PGR: variants seen among roughly 807,000 people sequenced by gnomAD.
PGR encodes the protein nuclear receptor subfamily 3 group C member 3.
Under a neutral mutation model 76.1 loss-of-function variants are expected in PGR, and 25 were observed. That is an observed-to-expected ratio of 0.33 (90% CI 0.24 to 0.46). The LOEUF is 0.46. Ranked by LOEUF, PGR falls within the 20% of genes least tolerant of loss-of-function variation. PGR has a pLI of 1.00. For synonymous variants in PGR, 579 were observed against 535.0 expected (o/e 1.08, Z -1.14); for missense variants, 1,172 against 1,225.3 (o/e 0.96, Z 0.65).
At chr11:101,116,072 CCAAA>C (rs1862496772) in intron 2 of PGR, among the ~76,000 whole-genome samples, 1 of 152,138 alleles carries the variant, frequency 6.6e-6, no homozygotes, top group Non-Finnish European at 1.5e-5. Flanking sequence ...GATTTTGCTG[CCAAA>C]CAAATTCACG....
intron 2 of PGR, among the ~76,000 whole-genome samples, chr11:101,122,250 G>C (rs1862703871): frequency 6.6e-6 from 1 of 151,106 alleles, no homozygotes; most frequent in Non-Finnish European, 1.5e-5. Flanking sequence ...CATTTCAATT[G>C]TATTATAACA....
intron 5 of PGR, 26 bp downstream of exon 5, chr11:101,051,398 C>A: frequency 6.5e-7 from 1 of 1,528,858 alleles, no homozygotes; most frequent in East Asian, 2.2e-5. Context: ...CTTAAAATAA[C>A]AAAAACAACA....
At chr11:101,068,863 TAACTC>T (rs1860817364) in intron 3 of PGR, among the ~76,000 whole-genome samples, 2 of 152,130 alleles carry the variant, frequency 1.3e-5, no homozygotes, top group Admixed American at 6.5e-5. Flanking sequence ...ATACAAAAAT[TAACTC>T]AAGATGGACT....
intron 7 of PGR, among the ~76,000 whole-genome samples, chr11:101,039,637 T>A (rs1859632687): frequency 6.6e-6 from 1 of 152,046 alleles, no homozygotes; most frequent in Non-Finnish European, 1.5e-5. Context: ...TAAATTCTAT[T>A]TGCTAATCTA....
At chr11:101,078,945 T>G (rs1014591580) in intron 3 of PGR, among the ~76,000 whole-genome samples, 4 of 152,074 alleles carry the variant, frequency 2.6e-5, no homozygotes, top group African/African-American at 9.7e-5. Flanking sequence ...CAAAGACCAA[T>G]GGAACAGAAT....
Position 101,032,906 on chromosome 11 carries a change from G to C in PGR, c.*6210C>G, listed in dbSNP as rs1329855214. On this transcript the variant is annotated 3_prime_UTR_variant, in exon 8 of 8. Coordinates refer to ENST00000325455, the MANE Select transcript of PGR (RefSeq NM_000926.4). Reference sequence around the variant, plus strand: ...AGTAAAGGCTTCACAGCTAGTTGCTGAGGAATAAAATGATGCCTAAAGTAA... The same window carrying C: ...AGTAAAGGCTTCACAGCTAGTTGCTCAGGAATAAAATGATGCCTAAAGTAA... 3 of 186,426 alleles carry C rather than the reference G, an allele frequency of 1.6e-5. No homozygotes were observed. The highest frequency in any genetic ancestry group is 7.0e-5 in the African/African-American group (3 of 42,722). 11.5% of individuals were successfully genotyped at this position (186,426 alleles called of 1,614,324 possible).
intron 2 of PGR, among the ~76,000 whole-genome samples, chr11:101,124,132 A>C (rs969735100): frequency 3.9e-5 from 6 of 152,142 alleles, no homozygotes; most frequent in Non-Finnish European, 8.8e-5. Context: ...CATCAATCTT[A>C]AGTAACTCTT....
At position 101,030,946 on chromosome 11, in the gene PGR, G is replaced by A. The variant is rs994681584; in HGVS notation, c.*8170C>T. 3 of 187,938 alleles carry A rather than the reference G, an allele frequency of 1.6e-5. No individual in the cohort carries two copies. Among genetic ancestry groups the A allele is most frequent in the African/African-American group, 2.3e-5 (1 of 42,808 alleles). 11.6% of individuals were successfully genotyped at this position (187,938 alleles called of 1,614,324 possible). A position where few individuals can be genotyped will look rare whatever the true frequency, so the allele number is the denominator to read the frequency against. ...ATTCTGAGACTGAAAGTTGAAGGAG[G>A]TGAGATTCAGACAAGTAAAGGGAAG... On this transcript the variant is annotated 3_prime_UTR_variant, in exon 8 of 8. Coordinates refer to ENST00000325455, the MANE Select transcript of PGR (RefSeq NM_000926.4).
In PGR at chr11:101,127,414, G is replaced by C. The variant is rs750726615; in HGVS notation, c.1637+20C>G. The C allele has an allele frequency of 2.0e-6, 3 of 1,519,476 alleles. No homozygotes were observed. The African/African-American group carries it at 4.3e-5, about 22-fold the overall frequency. The allele number at this position is 1,519,476 out of a possible 1,614,324, so 94.1% of individuals were successfully genotyped here. On this transcript the variant is annotated intron_variant, in intron 1 of 7. Coordinates refer to ENST00000325455, the MANE Select transcript of PGR (RefSeq NM_000926.4). ...CGCTACTCCCGGACGCGCTGGGCGTGCCCCGTCCCGGGCCCTCACCTCAGG... is the reference window on the plus strand; with the variant it reads ...CGCTACTCCCGGACGCGCTGGGCGTCCCCCGTCCCGGGCCCTCACCTCAGG...
Position 101,127,996 on chromosome 11 carries a change from G to T in PGR, c.1075C>A (p.Pro359Thr), listed in dbSNP as rs751642083. The T allele has an allele frequency of 4.3e-6, 7 of 1,611,478 alleles. No homozygotes were observed. The highest frequency in any genetic ancestry group is 5.9e-6 in the Non-Finnish European group (7 of 1,179,862). Residue 359 changes from proline (P) to threonine (T), a missense_variant, in exon 1 of 8, where the codon CCC (proline) becomes ACC (threonine). Transcript: ENST00000325455. ...GCGTCGGGCGGGTACGCGCAGTCGGGGAAGTCGCCTACAGCGACCGGGGTG... is the reference window on the plus strand; with the variant it reads ...GCGTCGGGCGGGTACGCGCAGTCGGTGAAGTCGCCTACAGCGACCGGGGTG... The part of the protein sequence containing the change: ...SSTPVAVGDF[P>T]DCAYPPDAEP...
intron 2 of PGR, among the ~76,000 whole-genome samples, chr11:101,110,721 T>G (rs1862319549): frequency 6.6e-6 from 1 of 152,218 alleles, no homozygotes; most frequent in African/African-American, 2.4e-5. Context: ...GAAGCTCTAC[T>G]GTGGGTAAAA....
Position 101,030,801 on chromosome 11 carries a change from G to A in PGR, c.*8315C>T. The A allele has an allele frequency of 5.0e-6, 1 of 198,648 alleles. No individual in the cohort carries two copies. 12.3% of individuals were successfully genotyped at this position (198,648 alleles called of 1,614,324 possible). A position where few individuals can be genotyped will look rare whatever the true frequency, so the allele number is the denominator to read the frequency against. ...TGGACTTAAGCATCAAAAGCTACTAGGACTAGATGAGAACTCATTCTAAAA... is the reference window on the plus strand; with the variant it reads ...TGGACTTAAGCATCAAAAGCTACTAAGACTAGATGAGAACTCATTCTAAAA... On this transcript the variant is annotated 3_prime_UTR_variant, in exon 8 of 8. Transcript: ENST00000325455.
chr11:101,103,932 T>C (rs1204808219), intron 2 of PGR, among the ~76,000 whole-genome samples: 2 of 152,230 alleles, frequency 1.3e-5, no homozygotes, highest in Non-Finnish European at 2.9e-5. Flanking sequence ...GAGCAGATCA[T>C]TTAACTTCTT....
chr11:101,057,663 G>C (rs1860342050), intron 4 of PGR, among the ~76,000 whole-genome samples: 1 of 152,112 alleles, frequency 6.6e-6, no homozygotes, highest in Non-Finnish European at 1.5e-5. Flanking sequence ...AACAGAAGTA[G>C]CATGTATAAT....
chr11:101,115,860 A>C (rs1370308170), intron 2 of PGR, among the ~76,000 whole-genome samples: 1 of 152,186 alleles, frequency 6.6e-6, no homozygotes, highest in African/African-American at 2.4e-5. Context: ...ACCACTCTCA[A>C]CATAGTCTAT....
rs1462925567 is a variant in PGR at position 101,127,458 on chromosome 11, T to C, written c.1613A>G (p.Tyr538Cys). The change falls in exon 1 of 8, where the codon TAC becomes TGC. Residue 538 changes from tyrosine to cysteine, a missense_variant. Transcript: ENST00000325455. ...CCTCAGGTAGTTGAGATAGGGCGGGTAGACCTGCGGCAGGCCCTCCTTGAG... is the reference window on the plus strand; with the variant it reads ...CCTCAGGTAGTTGAGATAGGGCGGGCAGACCTGCGGCAGGCCCTCCTTGAG... ...AVLKEGLPQV[Y>C]PPYLNYLRPD... 10 of 1,558,548 alleles carry C rather than the reference T, an allele frequency of 6.4e-6. No homozygotes were observed. Among genetic ancestry groups the C allele is most frequent in the Admixed American group, 3.7e-5 (2 of 54,056 alleles).
In PGR at chr11:101,036,823, A is replaced by AATAT. The variant is rs1283918860; in HGVS notation, c.*2289_*2292dup. The AATAT allele has an allele frequency of 1.6e-5, 3 of 191,324 alleles. No homozygotes were observed. The highest frequency in any genetic ancestry group is 7.0e-5 in the African/African-American group (3 of 43,024). 11.9% of individuals were successfully genotyped at this position (191,324 alleles called of 1,614,324 possible). ...AATTTTAAAGTTATTATGGAAATTAAATATATGCTGGTGGAAATGATTTAT... is the reference window on the plus strand; with the variant it reads ...AATTTTAAAGTTATTATGGAAATTAAATATATATATGCTGGTGGAAATGATTTAT... On this transcript the variant is annotated 3_prime_UTR_variant, in exon 8 of 8. Transcript: ENST00000325455.
At chr11:101,062,044 A>T (rs1045015563) in intron 4 of PGR, among the ~76,000 whole-genome samples, 2 of 152,178 alleles carry the variant, frequency 1.3e-5, no homozygotes, top group Non-Finnish European at 2.9e-5. Flanking sequence ...TTGATTTGTT[A>T]TATGACTTTA....
chr11:101,051,324 T>A, intron 5 of PGR, 100 bp downstream of exon 5: 3 of 809,940 alleles, frequency 3.7e-6, no homozygotes, highest in Non-Finnish European at 6.3e-6. Flanking sequence ...TGTCATCATA[T>A]CAAGAACACT....
Sources: gnomAD v4.1 joint callset for allele counts (sites outside exome capture counted in the v4.1 genomes callset) on GRCh38, gnomAD v4.1.1 for gene constraint, MANE v1.5 for transcripts, NCBI Gene and HGNC (gene_info 2026-07-23, HGNC 2026-07-21) for gene names.